The following CPAMD8 variants were observed in gnomAD, a reference collection of about 807,000 sequenced individuals.
CPAMD8 encodes the protein C3 and PZP-like alpha-2-macroglobulin domain-containing protein 8.
In CPAMD8, 146 loss-of-function variants were observed where a neutral mutation model predicts 224.7. The ratio of observed to expected loss-of-function variants is 0.65; its 90% confidence interval spans 0.57 to 0.75. The LOEUF (loss-of-function observed/expected upper bound fraction) is 0.75, where lower values mean the gene tolerates loss of function less well. Among genes scored for constraint, CPAMD8 ranks in the 30% least tolerant of loss-of-function variants. CPAMD8 has a pLI of 0.00. For missense variants in CPAMD8, 2,301 were observed against 2,537.5 expected, an observed-to-expected ratio of 0.91 and a Z score of 2.00; for synonymous variants, 966 against 1,044.6, an observed-to-expected ratio of 0.92 and a Z score of 1.45.
intron 17 of CPAMD8, 30 bp downstream of exon 17, chr19:16,975,067 G>T: frequency 8.1e-6 from 13 of 1,604,468 alleles, no homozygotes; most frequent in Non-Finnish European, 1.1e-5. Flanking sequence ...TTAGAAGGGG[G>T]CAGAGGGATC....
At position 16,906,940 on chromosome 19, in the gene CPAMD8, A is replaced by G; in HGVS notation, c.4027+12T>C. 1 of 1,574,612 alleles carries G rather than the reference A, an allele frequency of 6.4e-7. No individual in the cohort carries two copies. Among genetic ancestry groups the G allele is most frequent in the Non-Finnish European group, 8.6e-7 (1 of 1,160,410 alleles). On this transcript the variant is annotated intron_variant, in intron 30 of 41. Coordinates refer to ENST00000443236, the MANE Select transcript of CPAMD8 (RefSeq NM_015692.5). ...GACGCTGTGGCCTCTGGGGAGGGCC[A>G]GGGACACCTACCTCGCATGATGGCC...
At chr19:16,968,032 T>C (rs900022152) in intron 18 of CPAMD8, among the ~76,000 whole-genome samples, 10 of 151,924 alleles carry the variant, frequency 6.6e-5, no homozygotes, top group Admixed American at 6.6e-5. Context: ...CCTTTCTCCA[T>C]TGTGATTTAC....
chr19:16,930,123 T>C (rs2053501292), intron 23 of CPAMD8, among the ~76,000 whole-genome samples: 1 of 151,438 alleles, frequency 6.6e-6, no homozygotes, highest in Non-Finnish European at 1.5e-5. Flanking sequence ...GGCGTGGGGG[T>C]AGGTGCCTGT....
chr19:16,914,954 C>T, intron 27 of CPAMD8, 141 bp from the exon 28 acceptor site: 1 of 643,438 alleles, frequency 1.6e-6, no homozygotes, highest in Non-Finnish European at 2.7e-6. Context: ...CCATCTGTCC[C>T]CACAGGGCTG....
At position 17,011,591 on chromosome 19, in the gene CPAMD8, C is replaced by T; in HGVS notation, c.433+1G>A. On this transcript the variant is annotated splice_donor_variant, in intron 4 of 41. Transcript: ENST00000443236. LOFTEE classifies it high-confidence loss of function. Reference sequence around the variant, plus strand: ...TCCCTGCATCCATGCTGGCCACTCACCTCGGTGCTGGGGTCTGTACACAGG... The same window carrying T: ...TCCCTGCATCCATGCTGGCCACTCATCTCGGTGCTGGGGTCTGTACACAGG... 1 of 1,614,226 alleles carries T rather than the reference C, an allele frequency of 6.2e-7. No homozygotes were observed. Among genetic ancestry groups the T allele is most frequent in the Non-Finnish European group, 8.5e-7 (1 of 1,180,048 alleles).
chr19:16,914,585 A>T, intron 28 of CPAMD8, 72 bp downstream of exon 28: 1 of 1,612,018 alleles, frequency 6.2e-7, no homozygotes, highest in Non-Finnish European at 8.5e-7. Context: ...AGGGAGTAGG[A>T]ACAGGCAGGT....
chr19:16,964,556 C>T (rs991739342), intron 18 of CPAMD8, among the ~76,000 whole-genome samples: 1 of 152,042 alleles, frequency 6.6e-6, no homozygotes, highest in African/African-American at 2.4e-5. Context: ...TAATAGCCTA[C>T]CAACCAAAAA....
Position 17,011,662 on chromosome 19 carries a change from C to A in CPAMD8, c.363G>T (p.Val121=). ...CAGAAGCGCCCCGGCCGTCCACGGT[C>A]ACCGAGGTCTGGTTGTGAAAGAGGG... ...EGPLFHNQTS[V]TVDGRGASVF... Residue 121 remains valine, a synonymous_variant, in exon 4 of 42, where the codon GTG becomes GTT. Coordinates refer to ENST00000443236, the MANE Select transcript of CPAMD8 (RefSeq NM_015692.5). 6.2e-7 allele frequency: 1 copy of A among 1,614,080 alleles called. No individual in the cohort carries two copies. The highest frequency in any genetic ancestry group is 8.5e-7 in the Non-Finnish European group (1 of 1,180,012).
rs376465201 is a variant in CPAMD8 at position 16,893,099 on chromosome 19, G to T, written c.*9C>A. The stretch of plus-strand genomic sequence containing the variant: ...AACTGCGGTCCCACAACTGCATGTG[G>T]TTGTAGGATTATCTCAAGGTGCAGG... On this transcript the variant is annotated 3_prime_UTR_variant, in exon 42 of 42. Coordinates refer to ENST00000443236, the MANE Select transcript of CPAMD8 (RefSeq NM_015692.5). 5 of 1,230,602 alleles carry T rather than the reference G, an allele frequency of 4.1e-6. No individual in the cohort carries two copies. Among genetic ancestry groups the T allele is most frequent in the South Asian group, 1.2e-5 (1 of 83,036 alleles). The allele number at this position is 1,230,602 out of a possible 1,614,324, so 76.2% of individuals were successfully genotyped here. A position where few individuals can be genotyped will look rare whatever the true frequency, so the allele number is the denominator to read the frequency against.
At chr19:16,998,428 C>T (rs2056204101) in intron 10 of CPAMD8, among the ~76,000 whole-genome samples, 1 of 152,130 alleles carries the variant, frequency 6.6e-6, no homozygotes, top group Admixed American at 6.6e-5. Flanking sequence ...CCACTGCACT[C>T]CAGCCTGGGA....
chr19:16,965,086 C>G (rs903012138), intron 18 of CPAMD8, among the ~76,000 whole-genome samples: 1 of 152,092 alleles, frequency 6.6e-6, no homozygotes, highest in Non-Finnish European at 1.5e-5. Flanking sequence ...CGGTGATACC[C>G]TGTCTCTACT....
intron 16 of CPAMD8, 42 bp from the exon 17 acceptor site, chr19:16,975,300 C>T: frequency 6.5e-7 from 1 of 1,543,558 alleles, no homozygotes; most frequent in African/African-American, 1.4e-5. Flanking sequence ...CTGAAGTTTT[C>T]TTTACAACCC....
In CPAMD8 at chr19:17,009,335, CAG is replaced by C; in HGVS notation, c.487-17_487-16del. On this transcript the variant is annotated splice_polypyrimidine_tract_variant and intron_variant, in intron 5 of 41. Transcript: ENST00000443236. Reference sequence around the variant, plus strand: ...TAGGCTTCCAGCTGTAATGAAGACACAGATGCAGTGAGCAAATCTTCCAGCAA... The same window carrying C: ...TAGGCTTCCAGCTGTAATGAAGACACATGCAGTGAGCAAATCTTCCAGCAA... The C allele has an allele frequency of 6.2e-7, 1 of 1,614,064 alleles. No individual in the cohort carries two copies. Among genetic ancestry groups the C allele is most frequent in the Non-Finnish European group, 8.5e-7 (1 of 1,179,958 alleles).
At chr19:16,911,622 G>A (rs140891316) in intron 29 of CPAMD8, among the ~76,000 whole-genome samples, 117 of 150,776 alleles carry the variant, frequency 7.8e-4, no homozygotes, top group African/African-American at 2.0e-3. Flanking sequence ...CTCGGCTCAC[G>A]GCAAGCTCTG....
Position 17,008,553 on chromosome 19 carries a change from G to A in CPAMD8, c.511C>T (p.Arg171Ter), listed in dbSNP as rs1272489316. The change falls in exon 7 of 42, where the codon CGA (arginine) becomes TGA (stop). Residue 171 changes from arginine (R) to a stop codon, truncating the protein, a stop_gained. Transcript: ENST00000443236. LOFTEE classifies it high-confidence loss of function. The stretch of plus-strand genomic sequence containing the variant: ...CTCCACTCTATCATCCGAGAGCCTC[G>A]GGGGTCCTGTTGGTGGTGGAGGGGG... ...EKLEAYILDP[R>*]GSRMIEWRHL... 8.1e-6 allele frequency: 13 copies of A among 1,613,860 alleles called. No homozygotes were observed. Among genetic ancestry groups the A allele is most frequent in the Middle Eastern group, 1.7e-4 (1 of 5,972 alleles).
intron 30 of CPAMD8, among the ~76,000 whole-genome samples, 179 bp downstream of exon 30, chr19:16,906,773 G>C (rs891690220): frequency 3.1e-4 from 47 of 150,792 alleles, no homozygotes; most frequent in African/African-American, 1.1e-3. Context: ...GCAATGGCGC[G>C]ATCTCTGCTC....
intron 23 of CPAMD8, among the ~76,000 whole-genome samples, chr19:16,936,594 A>G (rs1025573780): frequency 6.6e-6 from 1 of 151,704 alleles, no homozygotes; most frequent in African/African-American, 2.4e-5. Context: ...TTTTGTAGAG[A>G]TGGAGTTTCA....
chr19:16,954,482 CA>C (rs2054399337), intron 19 of CPAMD8, among the ~76,000 whole-genome samples: 1 of 152,048 alleles, frequency 6.6e-6, no homozygotes, highest in Admixed American at 6.6e-5. Flanking sequence ...AAAAATTAAA[CA>C]TAAAATTACC....
chr19:16,966,641 T>C (rs2054837038), intron 18 of CPAMD8, among the ~76,000 whole-genome samples: 1 of 151,810 alleles, frequency 6.6e-6, no homozygotes, highest in Non-Finnish European at 1.5e-5. Flanking sequence ...CAAACAAATT[T>C]ACAAGAAAAA....
Sources: allele counts gnomAD v4.1 joint callset (sites outside exome capture counted in the v4.1 genomes callset), GRCh38; gene constraint gnomAD v4.1.1; transcripts MANE v1.5; gene names NCBI Gene and HGNC (gene_info 2026-07-23, HGNC 2026-07-21).